The following TRPM4 variants were observed in gnomAD, a reference collection of about 807,000 sequenced individuals.
TRPM4 encodes calcium-activated non-selective cation channel 1.
A neutral mutation model predicts 135.6 loss-of-function variants in TRPM4; 124 were observed. The ratio of observed to expected loss-of-function variants is 0.91; its 90% confidence interval spans 0.79 to 1.06. TRPM4 has a LOEUF of 1.06. Among genes scored for constraint, TRPM4 ranks in the 50% least tolerant of loss-of-function variants. The probability of loss-of-function intolerance (pLI) is 0.00; values close to 1 mark genes in which losing one functional copy is unlikely to be tolerated. For missense variants in TRPM4, 1,658 were observed against 1,671.4 expected (o/e 0.99, Z 0.14); for synonymous variants, 745 against 705.6 (o/e 1.06, Z -0.88).
intron 2 of TRPM4, among the ~76,000 whole-genome samples, chr19:49,160,477 C>T (rs1397344460): frequency 6.9e-6 from 1 of 144,480 alleles, no homozygotes; most frequent in African/African-American, 2.6e-5. Context: ...GAGCAAGACT[C>T]CATCTCAAAA....
At chr19:49,202,524 A>C (rs1968973763) in intron 20 of TRPM4, among the ~76,000 whole-genome samples, 2 of 152,018 alleles carry the variant, frequency 1.3e-5, no homozygotes, top group South Asian at 4.2e-4. Flanking sequence ...TAATTTAAAA[A>C]AATTTTTGGA....
chr19:49,176,131 C>T (rs576430275), intron 9 of TRPM4, among the ~76,000 whole-genome samples: 1 of 148,306 alleles, frequency 6.7e-6, no homozygotes, highest in South Asian at 2.2e-4. Flanking sequence ...GCCATGTTGG[C>T]CAGGCTGGTT....
At chr19:49,161,975 A>G (rs1966984588) in intron 2 of TRPM4, among the ~76,000 whole-genome samples, 1 of 152,076 alleles carries the variant, frequency 6.6e-6, no homozygotes, top group Non-Finnish European at 1.5e-5. Context: ...CTCTGCACAC[A>G]TTGGGTTTGA....
chr19:49,163,693 C>T (rs1378061075), intron 2 of TRPM4, among the ~76,000 whole-genome samples: 1 of 152,096 alleles, frequency 6.6e-6, no homozygotes, highest in Non-Finnish European at 1.5e-5. Flanking sequence ...TGGGGTCTCG[C>T]TCTATTGCCC....
Position 49,171,886 on chromosome 19 carries a change from G to A in TRPM4, c.1050+117G>A. 11 of 1,390,530 alleles carry A rather than the reference G, an allele frequency of 7.9e-6. No individual in the cohort carries two copies. Among genetic ancestry groups the A allele is most frequent in the Non-Finnish European group, 1.1e-5 (11 of 987,490 alleles). 86.1% of individuals were successfully genotyped at this position (1,390,530 alleles called of 1,614,324 possible). A position where few individuals can be genotyped will look rare whatever the true frequency, so the allele number is the denominator to read the frequency against. Reference sequence around the variant, plus strand: ...TGGACTTCCAGGTTCCGGGAGAAGAGGGTGCTGGGCATATAGACTATTAGG... The same window carrying A: ...TGGACTTCCAGGTTCCGGGAGAAGAAGGTGCTGGGCATATAGACTATTAGG... On this transcript the variant is annotated intron_variant, in intron 8 of 24. Transcript: ENST00000252826. The surrounding 1 kb of genome is among the most constrained non-coding windows in gnomAD (Gnocchi z 4.7).
Position 49,162,594 on chromosome 19 carries a change from G to A in TRPM4, c.93-3447G>A, listed in dbSNP as rs1387399781. 2.0e-5 allele frequency among the ~76,000 whole-genome samples: 3 copies of A among 151,954 alleles called. 1 individual carries two copies. The highest frequency in any genetic ancestry group is 2.0e-4 in the Admixed American group (3 of 15,240). On this transcript the variant is annotated intron_variant, in intron 2 of 24. Coordinates refer to ENST00000252826, the MANE Select transcript of TRPM4 (RefSeq NM_017636.4). ...AAAACAATTTATTTCAGTTTCTGTGGCTCCACCGAGGAAAGAGTGTAGGAG... is the reference window on the plus strand; with the variant it reads ...AAAACAATTTATTTCAGTTTCTGTGACTCCACCGAGGAAAGAGTGTAGGAG...
chr19:49,200,456 T>A, intron 18 of TRPM4, 24 bp downstream of exon 18: 1 of 674,498 alleles, frequency 1.5e-6, no homozygotes, highest in Non-Finnish European at 2.1e-6. Context: ...GGGGCCAAAG[T>A]GGGCGGGGAC....
chr19:49,158,335 G>A, intron 2 of TRPM4, 76 bp downstream of exon 2: 1 of 1,316,590 alleles, frequency 7.6e-7, no homozygotes, highest in East Asian at 2.3e-5. Flanking sequence ...TCACGCCCCA[G>A]CCCTGCTCCT....
At chr19:49,177,228 C>T (rs937796346) in intron 9 of TRPM4, among the ~76,000 whole-genome samples, 1 of 151,720 alleles carries the variant, frequency 6.6e-6, no homozygotes, top group African/African-American at 2.4e-5. Flanking sequence ...TGGAAGTGAT[C>T]ACAGTCCACT....
chr19:49,165,903 G>C, intron 2 of TRPM4, 138 bp from the exon 3 acceptor site: 1 of 870,822 alleles, frequency 1.1e-6, no homozygotes, highest in Non-Finnish European at 1.7e-6. Context: ...GCCAGGGCCA[G>C]GGGCAGCGTG....
At chr19:49,205,526 CTTTTTTT>C (rs576873516) in intron 20 of TRPM4, among the ~76,000 whole-genome samples, 4 of 126,944 alleles carry the variant, frequency 3.2e-5, no homozygotes, top group Non-Finnish European at 5.1e-5. Context: ...ATGACTTCAA[CTTTTTTT>C]TTTTTTTTTT....
Position 49,179,941 on chromosome 19 carries a change from C to T in TRPM4, c.1151-1408C>T, listed in dbSNP as rs75620456. Among the ~76,000 whole-genome samples, 6 of 152,270 alleles carry T rather than the reference C, an allele frequency of 3.9e-5. No homozygotes were observed. In the East Asian group the frequency reaches 1.2e-3, roughly 29 times the overall value. On this transcript the variant is annotated intron_variant, in intron 9 of 24. Coordinates refer to ENST00000252826, the MANE Select transcript of TRPM4 (RefSeq NM_017636.4). ...GATTACAGTGCTATGAAGGGGGTGC[C>T]ACTATTTCCCATTTAATAGATGAGG...
chr19:49,204,705 A>G, intron 20 of TRPM4, among the ~76,000 whole-genome samples: 1 of 148,844 alleles, frequency 6.7e-6, no homozygotes, highest in East Asian at 2.0e-4. Flanking sequence ...TGTTTTTTTA[A>G]TTTTTTTTTT....
rs1455822980 is a variant in TRPM4, at chr19:49,168,690, C to T, written c.750C>T (p.Arg250=). 6.2e-7 allele frequency: 1 copy of T among 1,609,980 alleles called. No individual in the cohort carries two copies. Among genetic ancestry groups the T allele is most frequent in the South Asian group, 1.1e-5 (1 of 90,470 alleles). The change falls in exon 6 of 25, where the codon CGC becomes CGT. Residue 250 remains arginine, a synonymous_variant. Coordinates refer to ENST00000252826, the MANE Select transcript of TRPM4 (RefSeq NM_017636.4). ...HGCLGGENRF[R]LRLESYISQQ... The stretch of plus-strand genomic sequence containing the variant: ...GCCTGGGGGGCGAGAACCGCTTCCG[C>T]TTGCGCCTGGAGTCCTACATCTCAC...
intron 14 of TRPM4, among the ~76,000 whole-genome samples, chr19:49,189,587 A>C (rs1600480077): frequency 6.6e-6 from 1 of 150,554 alleles, no homozygotes; most frequent in African/African-American, 2.4e-5. Flanking sequence ...AGGAAATCTC[A>C]CCCTTCCTAT....
chr19:49,189,832 C>G (rs1968343805), intron 14 of TRPM4, among the ~76,000 whole-genome samples: 2 of 152,098 alleles, frequency 1.3e-5, no homozygotes, highest in African/African-American at 2.4e-5. Context: ...AGTGGTTAAA[C>G]TCATGGATTC....
Position 49,171,581 on chromosome 19 carries a change from A to G in TRPM4, c.862A>G (p.Ile288Val). 4 of 1,614,020 alleles carry G rather than the reference A, an allele frequency of 2.5e-6. No individual in the cohort carries two copies. Among genetic ancestry groups the G allele is most frequent in the Non-Finnish European group, 3.4e-6 (4 of 1,180,014 alleles). ...IDGDEKMLTR[I>V]ENATQAQLPC... ...AAAGAATGCCTTTATCCTGTAGCGA[A>G]TAGAGAACGCCACCCAGGCTCAGCT... is the stretch of plus-strand genomic sequence containing the variant. The change falls in exon 8 of 25, where the codon ATA becomes GTA. Residue 288 changes from isoleucine (I) to valine (V), a missense_variant. Ile to Val is a conservative substitution (Grantham distance 29, BLOSUM62 3). Coordinates refer to ENST00000252826, the MANE Select transcript of TRPM4 (RefSeq NM_017636.4). This position sits in a 1 kb window ranked among gnomAD's most constrained non-coding sequence, Gnocchi z 4.7.
chr19:49,161,635 C>CTTTT (rs10695245), intron 2 of TRPM4, among the ~76,000 whole-genome samples: 4 of 145,544 alleles, frequency 2.7e-5, no homozygotes, highest in Non-Finnish European at 1.5e-5. Flanking sequence ...CCGGCTACCT[C>CTTTT]TTTTTTTTTT....
At chr19:49,175,556 G>A (rs1310969945) in intron 9 of TRPM4, among the ~76,000 whole-genome samples, 1 of 151,952 alleles carries the variant, frequency 6.6e-6, no homozygotes, top group Non-Finnish European at 1.5e-5. Flanking sequence ...AAACTCCCCA[G>A]ATACACGGTG....
Sources: allele counts gnomAD v4.1 joint callset (sites outside exome capture counted in the v4.1 genomes callset), GRCh38; gene constraint gnomAD v4.1.1; non-coding constraint Gnocchi (gnomAD v3.1); transcripts MANE v1.5; gene names NCBI Gene and HGNC (gene_info 2026-07-23, HGNC 2026-07-21).